GPC6: variants seen among roughly 807,000 people sequenced by gnomAD.
GPC6 encodes the protein glypican-6.
In GPC6, 14 loss-of-function variants were observed where a neutral mutation model predicts 55.2. That is an observed-to-expected ratio of 0.25 (90% CI 0.17 to 0.40). The LOEUF (loss-of-function observed/expected upper bound fraction) is 0.40, where lower values mean the gene tolerates loss of function less well. Ranked by LOEUF, GPC6 falls within the 10% of genes least tolerant of loss-of-function variation. The pLI is 1.00. For missense variants in GPC6, 641 were observed against 708.5 expected, an observed-to-expected ratio of 0.90 and a Z score of 1.08; for synonymous variants, 278 against 259.6, an observed-to-expected ratio of 1.07 and a Z score of -0.68.
chr13:93,288,902 A>G (rs1225681007), intron 1 of GPC6, among the ~76,000 whole-genome samples: 1 of 152,168 alleles, frequency 6.6e-6, no homozygotes, highest in African/African-American at 2.4e-5. Flanking sequence ...AAATCTTCAT[A>G]CAGACCTGTA....
chr13:93,922,289 C>T (rs1329106264), intron 3 of GPC6, among the ~76,000 whole-genome samples: 1 of 152,016 alleles, frequency 6.6e-6, no homozygotes, highest in Non-Finnish European at 1.5e-5. Flanking sequence ...CAGAGTGTCA[C>T]AAAAGGCTAT....
At chr13:93,305,006 A>G (rs1448450674) in intron 1 of GPC6, among the ~76,000 whole-genome samples, 1 of 152,190 alleles carries the variant, frequency 6.6e-6, no homozygotes. Flanking sequence ...CTTGAAATCC[A>G]CAACAGGATC....
At chr13:94,306,280 C>T (rs1216245712) in intron 6 of GPC6, 157 bp downstream of exon 6, 1 of 779,054 alleles carries the variant, frequency 1.3e-6, no homozygotes, top group Non-Finnish European at 2.2e-6. Context: ...GTAATGGGAT[C>T]TTTCTTTTGG....
chr13:94,055,751 A>T (rs905620211), intron 4 of GPC6, among the ~76,000 whole-genome samples: 1 of 152,220 alleles, frequency 6.6e-6, no homozygotes, highest in Non-Finnish European at 1.5e-5. Context: ...GTTTTGAATC[A>T]TGGATCCCTT....
intron 4 of GPC6, among the ~76,000 whole-genome samples, chr13:94,029,442 TTTTTAAAAATAAAC>T (rs1424032243): frequency 6.6e-6 from 1 of 152,234 alleles, no homozygotes; most frequent in Non-Finnish European, 1.5e-5. Flanking sequence ...GGGTTATGAA[TTTTTAAAAATAAAC>T]TTGATCTTAG....
At chr13:93,764,350 T>G (rs1885044252) in intron 2 of GPC6, among the ~76,000 whole-genome samples, 1 of 152,150 alleles carries the variant, frequency 6.6e-6, no homozygotes, top group East Asian at 1.9e-4. Flanking sequence ...CCTTGCCATT[T>G]TTAACATGCC....
intron 2 of GPC6, among the ~76,000 whole-genome samples, chr13:93,780,238 T>C (rs964635323): frequency 1.3e-5 from 2 of 151,974 alleles, no homozygotes; most frequent in Non-Finnish European, 2.9e-5. Flanking sequence ...ATATGTGTAT[T>C]AGATTCATTT....
chr13:94,229,742 A>T (rs1890665584), intron 4 of GPC6, among the ~76,000 whole-genome samples: 1 of 152,198 alleles, frequency 6.6e-6, no homozygotes. Flanking sequence ...AAAAGCAGAG[A>T]TAAAAAGAGT....
At chr13:94,150,754 T>C (rs1887707713) in intron 4 of GPC6, among the ~76,000 whole-genome samples, 1 of 145,654 alleles carries the variant, frequency 6.9e-6, no homozygotes, top group South Asian at 2.2e-4. Context: ...AGAAGAGATA[T>C]CTAAGTTGAA....
At chr13:93,643,385 A>AGATT (rs1470068073) in intron 2 of GPC6, among the ~76,000 whole-genome samples, 1 of 152,086 alleles carries the variant, frequency 6.6e-6, no homozygotes, top group African/African-American at 2.4e-5. Context: ...GACATAAGAT[A>AGATT]GATTAACAGG....
chr13:93,555,729 G>T (rs1310061281), intron 2 of GPC6, among the ~76,000 whole-genome samples: 4 of 152,138 alleles, frequency 2.6e-5, no homozygotes, highest in African/African-American at 9.7e-5. Flanking sequence ...CACACACACA[G>T]GCGTGAATAA....
At chr13:93,232,147 T>C (rs1876084513) in intron 1 of GPC6, among the ~76,000 whole-genome samples, 1 of 151,808 alleles carries the variant, frequency 6.6e-6, no homozygotes, top group African/African-American at 2.4e-5. Flanking sequence ...TTAACTTAAA[T>C]GGAAAACAGT....
At chr13:93,289,241 G>C (rs1041484386) in intron 1 of GPC6, among the ~76,000 whole-genome samples, 1 of 152,128 alleles carries the variant, frequency 6.6e-6, no homozygotes, top group African/African-American at 2.4e-5. Flanking sequence ...CCTAACCTGG[G>C]AGTCAGAATG....
At chr13:93,918,709 T>C (rs1031941654) in intron 3 of GPC6, among the ~76,000 whole-genome samples, 1 of 152,196 alleles carries the variant, frequency 6.6e-6, no homozygotes, top group Non-Finnish European at 1.5e-5. Flanking sequence ...GAAGGGACTC[T>C]AGCCCCTGCG....
intron 1 of GPC6, among the ~76,000 whole-genome samples, chr13:93,397,314 G>A (rs1253678113): frequency 6.6e-6 from 1 of 152,026 alleles, no homozygotes; most frequent in Non-Finnish European, 1.5e-5. Context: ...GTCAACACTT[G>A]TTATTTTCTT....
At chr13:93,701,365 A>C (rs189393202) in intron 2 of GPC6, among the ~76,000 whole-genome samples, 2 of 151,984 alleles carry the variant, frequency 1.3e-5, no homozygotes, top group East Asian at 1.9e-4. Context: ...ATTATGGATT[A>C]AAAAAAGTAC....
At position 93,324,510 on chromosome 13, in the gene GPC6, T is replaced by TG. The variant is rs1190967028; in HGVS notation, c.160+96895dup. Among the ~76,000 whole-genome samples the TG allele has an allele frequency of 3.5e-5, 5 of 141,692 alleles. No homozygotes were observed. In the East Asian group the frequency reaches 9.8e-4, roughly 28 times the overall value. 93.0% of individuals were successfully genotyped at this position (141,692 alleles called of 152,430 possible). A position where few individuals can be genotyped will look rare whatever the true frequency, so the allele number is the denominator to read the frequency against. ...TATCATGTGGTTATTATGTATTACATGCTTGTATTAAAATATCTCATGTAT... is the reference window on the plus strand; with the variant it reads ...TATCATGTGGTTATTATGTATTACATGGCTTGTATTAAAATATCTCATGTAT... On this transcript the variant is annotated intron_variant, in intron 1 of 8. Coordinates refer to ENST00000377047, the MANE Select transcript of GPC6 (RefSeq NM_005708.5).
intron 1 of GPC6, among the ~76,000 whole-genome samples, chr13:93,529,510 C>CTTTTTTTTT (rs1165594323): frequency 3.5e-5 from 3 of 85,178 alleles, no homozygotes; most frequent in African/African-American, 9.9e-5. Context: ...CTCTGAGATT[C>CTTTTTTTTT]TTTTTTTTTT....
chr13:94,068,630 C>G (rs150240471), intron 4 of GPC6, among the ~76,000 whole-genome samples: 269 of 152,308 alleles, frequency 1.8e-3, no homozygotes, highest in African/African-American at 6.0e-3. Flanking sequence ...TTCCTAGATA[C>G]AATGGGAGTA....
Sources: allele counts gnomAD v4.1 joint callset (sites outside exome capture counted in the v4.1 genomes callset), GRCh38; gene constraint gnomAD v4.1.1; transcripts MANE v1.5; gene names NCBI Gene and HGNC (gene_info 2026-07-23, HGNC 2026-07-21).